ST8SIA6: variants seen among roughly 807,000 people sequenced by gnomAD.
The protein encoded by ST8SIA6 is alpha-2,8-sialyltransferase 8F.
A neutral mutation model predicts 33.6 loss-of-function variants in ST8SIA6; 39 were observed. That is an observed-to-expected ratio of 1.16 (90% confidence interval 0.90 to 1.52). ST8SIA6 has a LOEUF of 1.52. Among genes scored for constraint, ST8SIA6 ranks in the 40% most tolerant of loss-of-function variants. The pLI, the probability that ST8SIA6 is intolerant of heterozygous loss-of-function variation, is 0.00. For missense variants in ST8SIA6, 441 were observed against 443.8 expected (o/e 0.99, Z 0.06); for synonymous variants, 172 against 167.2 (o/e 1.03, Z -0.22).
At chr10:17,351,416 A>T (rs903963799) in intron 4 of ST8SIA6, among the ~76,000 whole-genome samples, 1 of 150,466 alleles carries the variant, frequency 6.6e-6, no homozygotes, top group African/African-American at 2.5e-5. Flanking sequence ...AAGTAAAAAA[A>T]AATTTTAGTA....
intron 3 of ST8SIA6, among the ~76,000 whole-genome samples, chr10:17,389,272 T>G (rs1405866325): frequency 6.6e-6 from 1 of 152,210 alleles, no homozygotes; most frequent in Non-Finnish European, 1.5e-5. Context: ...TCTGCGTGAA[T>G]TACTCTTTCT....
intron 2 of ST8SIA6, among the ~76,000 whole-genome samples, chr10:17,446,507 A>G (rs984022734): frequency 1.2e-4 from 18 of 152,234 alleles, no homozygotes; most frequent in African/African-American, 4.1e-4. Context: ...AAGAATAAAA[A>G]TGTAACCAAT....
chr10:17,366,854 A>T (rs1429265649), intron 3 of ST8SIA6, among the ~76,000 whole-genome samples: 4 of 152,136 alleles, frequency 2.6e-5, no homozygotes, highest in Non-Finnish European at 5.9e-5. Flanking sequence ...AATGACTCCC[A>T]TAGGCCAAAC....
chr10:17,402,492 T>C (rs1367044358), intron 2 of ST8SIA6, among the ~76,000 whole-genome samples: 1 of 152,160 alleles, frequency 6.6e-6, no homozygotes, highest in Non-Finnish European at 1.5e-5. Context: ...ATGTTTATTG[T>C]GGCACTATTC....
rs575197993 is a variant in ST8SIA6 at position 17,440,662 on chromosome 10, C to T, written c.200+12897G>A. On this transcript the variant is annotated intron_variant, in intron 2 of 7. Coordinates refer to ENST00000377602, the MANE Select transcript of ST8SIA6 (RefSeq NM_001004470.3). ...CTTCTTATCCTCCTCTAACCCTACC[C>T]CAGGACTTCCTGCCTATGTGAGTAA... Among the ~76,000 whole-genome samples the T allele has an allele frequency of 2.4e-4, 36 of 152,302 alleles. No homozygotes were observed. In the East Asian group the frequency reaches 6.2e-3, roughly 26 times the overall value.
At chr10:17,329,022 G>A (rs1030588519) in intron 5 of ST8SIA6, among the ~76,000 whole-genome samples, 8 of 152,160 alleles carry the variant, frequency 5.3e-5, no homozygotes, top group Admixed American at 3.3e-4. Context: ...GGGCCGATGT[G>A]GTTCTGAGCA....
Position 17,359,560 on chromosome 10 carries a change from G to A in ST8SIA6, c.331C>T (p.Gln111Ter), listed in dbSNP as rs1849314616. The A allele has an allele frequency of 6.2e-7, 1 of 1,607,062 alleles. No individual in the cohort carries two copies. Among genetic ancestry groups the A allele is most frequent in the African/African-American group, 1.3e-5 (1 of 74,648 alleles). Residue 111 changes from glutamine (Q) to a stop codon, truncating the protein, a stop_gained, in exon 4 of 8, where the codon CAG (glutamine) becomes TAG (stop). Transcript: ENST00000377602. LOFTEE classifies it high-confidence loss of function. ...GCTTGCCGTTTCCATGGACAACTCT[G>A]TATATCTGTGATAATCTGAAGGTAG... ...NDYLQIITDI[Q>*]SCPWKRQAEE...
chr10:17,360,103 A>G (rs1432894531), intron 3 of ST8SIA6, among the ~76,000 whole-genome samples: 1 of 152,158 alleles, frequency 6.6e-6, no homozygotes, highest in African/African-American at 2.4e-5. Flanking sequence ...TATTGACATA[A>G]AAATCTATAG....
At chr10:17,366,045 T>A (rs193129205) in intron 3 of ST8SIA6, among the ~76,000 whole-genome samples, 126 of 152,218 alleles carry the variant, frequency 8.3e-4, no homozygotes, top group African/African-American at 2.9e-3. Flanking sequence ...GTCAATACAG[T>A]CAATCATTTC....
chr10:17,391,552 G>A (rs359319), intron 2 of ST8SIA6, among the ~76,000 whole-genome samples: 35,839 of 152,092 alleles, frequency 0.24, 5,129 homozygotes, highest in East Asian at 0.6. Flanking sequence ...GTGAGCCACC[G>A]CTCCCAGTCG....
chr10:17,441,738 A>G (rs1047063540), intron 2 of ST8SIA6, among the ~76,000 whole-genome samples: 19 of 152,222 alleles, frequency 1.2e-4, no homozygotes, highest in Non-Finnish European at 2.5e-4. Context: ...ATTAAGTTTC[A>G]TTTGAAAGAA....
intron 2 of ST8SIA6, among the ~76,000 whole-genome samples, chr10:17,452,943 C>G (rs1852968198): frequency 6.6e-6 from 1 of 151,950 alleles, no homozygotes; most frequent in African/African-American, 2.4e-5. Context: ...TGAATATGGT[C>G]TCTGAGAGGT....
intron 7 of ST8SIA6, among the ~76,000 whole-genome samples, chr10:17,322,184 GAGAA>G (rs1847976062): frequency 6.8e-6 from 1 of 146,614 alleles, no homozygotes; most frequent in Non-Finnish European, 1.5e-5. Context: ...GAAAGAAGGA[GAGAA>G]AGAGAGACAG....
At position 17,315,734 on chromosome 10, in the gene ST8SIA6, G is replaced by A. The variant is rs1003338404; in HGVS notation, c.*5144C>T. 6.6e-6 allele frequency among the ~76,000 whole-genome samples: 1 copy of A among 151,992 alleles called. No homozygotes were observed. Among genetic ancestry groups the A allele is most frequent in the Non-Finnish European group, 1.5e-5 (1 of 67,888 alleles). ...AACAGATTAGGAATTTTCTGGGGAC[G>A]AGGGTGGGATGGACAGGGAGGAAGA... On this transcript the variant is annotated 3_prime_UTR_variant, in exon 8 of 8. Transcript: ENST00000377602.
At chr10:17,422,105 G>C (rs1263180088) in intron 2 of ST8SIA6, among the ~76,000 whole-genome samples, 1 of 151,962 alleles carries the variant, frequency 6.6e-6, no homozygotes, top group African/African-American at 2.4e-5. Flanking sequence ...ACCTAACAAT[G>C]ATCTCTTTCA....
chr10:17,453,600 C>G lies in ST8SIA6; in HGVS notation c.159G>C (p.Thr53=). ...GTACCGCGGTCGCCGGGCTCCGGAGCGTCCTCAGCGCTGCGGGGGTGCCGT... is the reference window on the plus strand; with the variant it reads ...GTACCGCGGTCGCCGGGCTCCGGAGGGTCCTCAGCGCTGCGGGGGTGCCGT... The part of the protein sequence containing the change: ...ATHGTPAALR[T]LRSPATAVPR... The change falls in exon 2 of 8, where the codon ACG becomes ACC. Residue 53 remains threonine (T), a synonymous_variant. Transcript: ENST00000377602. 7.5e-7 allele frequency: 1 copy of G among 1,331,960 alleles called. No individual in the cohort carries two copies. 82.5% of individuals were successfully genotyped at this position (1,331,960 alleles called of 1,614,324 possible).
intron 2 of ST8SIA6, among the ~76,000 whole-genome samples, chr10:17,395,408 C>G (rs1211672131): frequency 6.6e-6 from 1 of 152,072 alleles, no homozygotes; most frequent in Non-Finnish European, 1.5e-5. Context: ...AGTTAGAAGT[C>G]TGAGCAGTTG....
chr10:17,357,057 C>T (rs1849217849), intron 4 of ST8SIA6, among the ~76,000 whole-genome samples: 1 of 152,146 alleles, frequency 6.6e-6, no homozygotes, highest in Non-Finnish European at 1.5e-5. Flanking sequence ...TCCTTCTGCT[C>T]CTATCGGGCA....
intron 3 of ST8SIA6, among the ~76,000 whole-genome samples, chr10:17,362,819 C>A (rs1323295586): frequency 6.6e-6 from 1 of 152,178 alleles, no homozygotes; most frequent in African/African-American, 2.4e-5. Context: ...TCAAGCTATT[C>A]TCCTGCCTCA....
Sources: allele counts gnomAD v4.1 joint callset (sites outside exome capture counted in the v4.1 genomes callset), GRCh38; gene constraint gnomAD v4.1.1; transcripts MANE v1.5; gene names NCBI Gene and HGNC (gene_info 2026-07-23, HGNC 2026-07-21).